SCLT1: variants seen among roughly 807,000 people sequenced by gnomAD.
The protein encoded by SCLT1 is sodium channel-associated protein 1.
A neutral mutation model predicts 112.8 loss-of-function variants in SCLT1; 78 were observed. The observed-to-expected ratio is 0.69, with a 90% CI of 0.58 to 0.83. SCLT1 has a LOEUF of 0.83. SCLT1 is among the 40% of genes least tolerant of loss of function. SCLT1 has a pLI of 0.00. For synonymous variants in SCLT1, 257 were observed against 254.7 expected (o/e 1.01, Z -0.09); for missense variants, 747 against 770.4 (o/e 0.97, Z 0.36).
At chr4:129,018,968 A>C (rs1482493200) in intron 5 of SCLT1, among the ~76,000 whole-genome samples, 1 of 152,188 alleles carries the variant, frequency 6.6e-6, no homozygotes, top group Non-Finnish European at 1.5e-5. Flanking sequence ...TTGTCCTATC[A>C]GATAGTGCTT....
intron 9 of SCLT1, among the ~76,000 whole-genome samples, chr4:128,978,110 T>C (rs1454492606): frequency 1.3e-5 from 2 of 152,330 alleles, no homozygotes; most frequent in East Asian, 3.9e-4. Flanking sequence ...AGAGACCCTC[T>C]ACTCCTTCAA....
intron 9 of SCLT1, among the ~76,000 whole-genome samples, chr4:128,988,735 C>T (rs1742313549): frequency 6.6e-6 from 1 of 151,750 alleles, no homozygotes; most frequent in Non-Finnish European, 1.5e-5. Context: ...CTACGAGAAA[C>T]TCATTTCATC....
chr4:128,874,958 G>A (rs1467172098), intron 4 of SCLT1: 3 of 151,502 alleles, frequency 2.0e-5, no homozygotes, highest in Admixed American at 2.0e-4. Context: ...CTTGTACAGA[G>A]GATTTTTCAC....
intron 8 of SCLT1, among the ~76,000 whole-genome samples, chr4:128,993,112 T>C (rs1002242484): frequency 1.3e-5 from 2 of 152,030 alleles, no homozygotes; most frequent in Non-Finnish European, 2.9e-5. Flanking sequence ...TAACATACTA[T>C]CGTATTTTCC....
chr4:128,887,063 T>C (rs1240417992), intron 20 of SCLT1, among the ~76,000 whole-genome samples: 1 of 152,026 alleles, frequency 6.6e-6, no homozygotes, highest in Non-Finnish European at 1.5e-5. Context: ...ATGAGGGAGG[T>C]ATTATTATCC....
chr4:129,040,561 A>G (rs113469343), intron 4 of SCLT1, among the ~76,000 whole-genome samples: 8 of 152,320 alleles, frequency 5.3e-5, no homozygotes, highest in African/African-American at 1.9e-4. Context: ...TTCACTAGCT[A>G]AGACTAAAGA....
intron 3 of SCLT1, among the ~76,000 whole-genome samples, chr4:128,878,965 TAAAAC>T (rs892827862): frequency 4.5e-5 from 4 of 89,730 alleles, no homozygotes; most frequent in Admixed American, 2.7e-4. Flanking sequence ...GAAAGGGAAT[TAAAAC>T]AAAAAGAGGC....
intron 8 of SCLT1, among the ~76,000 whole-genome samples, chr4:128,994,553 T>C (rs1742844587): frequency 6.6e-6 from 1 of 152,152 alleles, no homozygotes; most frequent in South Asian, 2.1e-4. Context: ...CTGGATCATA[T>C]GGTAGTTATA....
At chr4:129,010,272 A>G (rs980183712) in intron 5 of SCLT1, among the ~76,000 whole-genome samples, 4 of 152,132 alleles carry the variant, frequency 2.6e-5, no homozygotes, top group African/African-American at 9.7e-5. Context: ...GCAATGGTCT[A>G]TGTGCCCGTT....
intron 14 of SCLT1, among the ~76,000 whole-genome samples, chr4:128,950,111 C>T (rs1187149257): frequency 6.6e-6 from 1 of 152,036 alleles, no homozygotes; most frequent in African/African-American, 2.4e-5. Context: ...CAAAATGCAA[C>T]ATTAATATTC....
intron 5 of SCLT1, among the ~76,000 whole-genome samples, chr4:129,031,734 G>A (rs961418044): frequency 4.0e-5 from 6 of 151,854 alleles, no homozygotes; most frequent in East Asian, 1.9e-4. Flanking sequence ...AATAAAATAC[G>A]TAGGAATCCA....
rs528905688 is a variant in SCLT1, at chr4:129,053,557, A to ATTTTTTTTTTTTT, written c.103-9519_103-9507dup. On this transcript the variant is annotated intron_variant, in intron 2 of 20. Transcript: ENST00000281142. ...TTAGAGACTAGGATTGCAATCCCTG[A>ATTTTTTTTTTTTT]TTTTTTTTTTTTTTTTTTTTTTTTT... Among the ~76,000 whole-genome samples, 47 of 45,232 alleles carry ATTTTTTTTTTTTT rather than the reference A, an allele frequency of 1.0e-3. 5 individuals carry two copies. Among genetic ancestry groups the ATTTTTTTTTTTTT allele is most frequent in the Non-Finnish European group, 1.3e-3 (34 of 25,852 alleles). The allele number at this position is 45,232 out of a possible 152,430, so 29.7% of individuals were successfully genotyped here. A position where few individuals can be genotyped will look rare whatever the true frequency, so the allele number is the denominator to read the frequency against.
intron 18 of SCLT1, among the ~76,000 whole-genome samples, chr4:128,895,979 G>A (rs1030783945): frequency 2.6e-4 from 39 of 152,222 alleles, no homozygotes; most frequent in Non-Finnish European, 5.0e-4. Context: ...AGGCGGCAGC[G>A]AGGCTGGGGG....
chr4:129,026,583 C>T (rs1383234288), intron 5 of SCLT1, among the ~76,000 whole-genome samples: 1 of 151,668 alleles, frequency 6.6e-6, no homozygotes, highest in Non-Finnish European at 1.5e-5. Flanking sequence ...CACTAAATGC[C>T]CACAAGAGAA....
rs148403153 is a variant in SCLT1 at position 129,050,957 on chromosome 4, C to T, written c.103-6906G>A. On this transcript the variant is annotated intron_variant, in intron 2 of 20. Coordinates refer to ENST00000281142, the MANE Select transcript of SCLT1 (RefSeq NM_144643.4). ...TTTCTGCTTGTGGCTAGCCAGTATT[C>T]CCAGCACCATTAATTAAATAGGGAA... 3.3e-5 allele frequency among the ~76,000 whole-genome samples: 5 copies of T among 152,018 alleles called. No individual in the cohort carries two copies. The East Asian group carries it at 9.7e-4, about 29-fold the overall frequency.
chr4:128,945,874 T>A, intron 16 of SCLT1, 133 bp downstream of exon 16: 2 of 510,142 alleles, frequency 3.9e-6, no homozygotes, highest in Non-Finnish European at 6.8e-6. Flanking sequence ...TAAAATTATA[T>A]TTGGTCCTAA....
intron 18 of SCLT1, among the ~76,000 whole-genome samples, chr4:128,896,122 C>G (rs908703283): frequency 6.6e-6 from 1 of 152,196 alleles, no homozygotes; most frequent in Admixed American, 6.5e-5. Flanking sequence ...CAGGGCATTG[C>G]CAAACAAAAG....
At chr4:128,904,910 C>T (rs2125939335) in intron 18 of SCLT1, among the ~76,000 whole-genome samples, 1 of 152,230 alleles carries the variant, frequency 6.6e-6, no homozygotes, top group South Asian at 2.1e-4. Context: ...GCAGGCGGGT[C>T]AGCGTTAGAT....
At position 128,943,113 on chromosome 4, in the gene SCLT1, G is replaced by C. The variant is rs1164670487; in HGVS notation, c.1515C>G (p.Asn505Lys). ...GCCTTTGTTCACTGACAAGCCCACAGTTCTCTCTCTCAGACTCCAATACAT... is the reference window on the plus strand; with the variant it reads ...GCCTTTGTTCACTGACAAGCCCACACTTCTCTCTCTCAGACTCCAATACAT... ...LQNVLESERE[N>K]CGLVSEQRLK... is the part of the protein sequence containing the mutation. The change falls in exon 17 of 21, where the codon AAC becomes AAG. Residue 505 changes from asparagine (N) to lysine (K), a missense_variant. Asn to Lys is a moderately conservative substitution (Grantham distance 94). This residue lies in a region of SCLT1 where 723 missense variants were observed against 721.3 expected (regional missense o/e 1.00). Transcript: ENST00000281142. The C allele has an allele frequency of 1.8e-5, 29 of 1,612,352 alleles. No homozygotes were observed. The highest frequency in any genetic ancestry group is 2.5e-5 in the Non-Finnish European group (29 of 1,178,898).
Sources: allele counts gnomAD v4.1 joint callset (sites outside exome capture counted in the v4.1 genomes callset), GRCh38; gene constraint gnomAD v4.1.1; regional missense constraint gnomAD v4.1.1; transcripts MANE v1.5; gene names NCBI Gene and HGNC (gene_info 2026-07-23, HGNC 2026-07-21).